The following ENOPH1 variants were observed in gnomAD, a reference collection of about 807,000 sequenced individuals.
The protein encoded by ENOPH1 is enolase-phosphatase 1, also known as enolase-phosphatase E1.
ENOPH1 carries 14 observed loss-of-function variants against 31.1 expected under a neutral mutation model. The observed-to-expected ratio is 0.45, with a 90% CI of 0.30 to 0.70. The LOEUF (loss-of-function observed/expected upper bound fraction) is 0.70, where lower values mean the gene tolerates loss of function less well. Ranked by LOEUF, ENOPH1 falls within the 30% of genes least tolerant of loss-of-function variation. ENOPH1 has a pLI of 0.09. For synonymous variants in ENOPH1, 127 were observed against 123.2 expected (o/e 1.03, Z -0.21); for missense variants, 243 against 321.5 (o/e 0.76, Z 1.87).
Position 82,448,807 on chromosome 4 carries a change from C to T in ENOPH1, c.186+786C>T, listed in dbSNP as rs1163449833. On this transcript the variant is annotated intron_variant, in intron 2 of 5. Coordinates refer to ENST00000273920, the MANE Select transcript of ENOPH1 (RefSeq NM_021204.5). ...GGCGCGGTGGCTCACGCCTGTAATC[C>T]CAGCACTTTGGGAGGCCGAGGCGGG... 6.0e-5 allele frequency among the ~76,000 whole-genome samples: 9 copies of T among 151,008 alleles called. No individual in the cohort carries two copies. The South Asian group carries it at 1.7e-3, about 28-fold the overall frequency.
intron 1 of ENOPH1, among the ~76,000 whole-genome samples, chr4:82,435,175 C>G (rs1307419773): frequency 6.6e-6 from 1 of 152,180 alleles, no homozygotes; most frequent in African/African-American, 2.4e-5. Context: ...GATCACAGCT[C>G]ACCGCAACCT....
intron 1 of ENOPH1, among the ~76,000 whole-genome samples, chr4:82,447,330 CAAGA>C (rs767689810): frequency 4.4e-4 from 67 of 152,106 alleles, no homozygotes; most frequent in Non-Finnish European, 1.3e-4. Flanking sequence ...GTCTAGTTAC[CAAGA>C]AAGAGTCATG....
At chr4:82,445,380 T>C (rs540691320) in intron 1 of ENOPH1, among the ~76,000 whole-genome samples, 2 of 152,392 alleles carry the variant, frequency 1.3e-5, no homozygotes, top group South Asian at 2.1e-4. Flanking sequence ...GATTATTTCA[T>C]GTACATACTT....
chr4:82,455,668 C>T (rs2110047386), intron 4 of ENOPH1, among the ~76,000 whole-genome samples: 1 of 152,034 alleles, frequency 6.6e-6, no homozygotes, highest in East Asian at 1.9e-4. Context: ...CACCTGTAGT[C>T]CCAGCTACTC....
rs1721723617 is a variant in ENOPH1, at chr4:82,430,841, T to C, written c.12T>C (p.Leu4=). ...CATCCGGTAGGGAAATGGTCGTGCT[T>C]TCGGTCCCCGCCGAAGTCACCGTGA... MVV[L]SVPAEVTVIL... is the part of the protein sequence containing the mutation. Residue 4 remains leucine, a synonymous_variant, in exon 1 of 6, where the codon CTT becomes CTC. Coordinates refer to ENST00000273920, the MANE Select transcript of ENOPH1 (RefSeq NM_021204.5). 6.2e-7 allele frequency: 1 copy of C among 1,614,010 alleles called. No individual in the cohort carries two copies. Among genetic ancestry groups the C allele is most frequent in the African/African-American group, 1.3e-5 (1 of 74,928 alleles).
intron 1 of ENOPH1, among the ~76,000 whole-genome samples, chr4:82,436,998 G>A (rs931026558): frequency 2.8e-4 from 42 of 151,710 alleles, no homozygotes; most frequent in African/African-American, 8.2e-4. Flanking sequence ...CCTGTAATCC[G>A]AACACTTTGG....
At position 82,437,914 on chromosome 4, in the gene ENOPH1, C is replaced by G. The variant is rs1193174433; in HGVS notation, c.84+7001C>G. Reference sequence around the variant, plus strand: ...CAATCCTTGCTATTTCAGATTTCCTCAAGGTGGTACTCTATTATATTTGAA... The same window carrying G: ...CAATCCTTGCTATTTCAGATTTCCTGAAGGTGGTACTCTATTATATTTGAA... On this transcript the variant is annotated intron_variant, in intron 1 of 5. Transcript: ENST00000273920. Among the ~76,000 whole-genome samples the G allele has an allele frequency of 3.9e-5, 6 of 152,268 alleles. No homozygotes were observed. The South Asian group carries it at 8.3e-4, about 21-fold the overall frequency.
Position 82,430,610 on chromosome 4 carries a change from C to T in ENOPH1, c.-220C>T. 2 of 556,496 alleles carry T rather than the reference C, an allele frequency of 3.6e-6. No homozygotes were observed. The highest frequency in any genetic ancestry group is 3.0e-5 in the East Asian group (1 of 33,058). 34.5% of individuals were successfully genotyped at this position (556,496 alleles called of 1,614,324 possible). A position where few individuals can be genotyped will look rare whatever the true frequency, so the allele number is the denominator to read the frequency against. On this transcript the variant is annotated 5_prime_UTR_variant, in exon 1 of 6. Transcript: ENST00000273920. ...ACGTGGTCTCGGGCTCCTGCCCCGTCCTGCTCACGAGTTCAGGGCTCCTGG... is the reference window on the plus strand; with the variant it reads ...ACGTGGTCTCGGGCTCCTGCCCCGTTCTGCTCACGAGTTCAGGGCTCCTGG...
At position 82,456,938 on chromosome 4, in the gene ENOPH1, C is replaced by T. The variant is rs1578104398; in HGVS notation, c.546C>T (p.Thr182=). The change falls in exon 5 of 6, where the codon ACC becomes ACT. Residue 182 remains threonine, a synonymous_variant. Coordinates refer to ENST00000273920, the MANE Select transcript of ENOPH1 (RefSeq NM_021204.5). ...ILELVDGHFD[T]KIGHKVESES... ...AGCTTGTTGATGGTCACTTTGATAC[C>T]AAGATTGGACACAAAGTAGAGAGTG... is the stretch of plus-strand genomic sequence containing the variant. 1.9e-6 allele frequency: 3 copies of T among 1,613,660 alleles called. No homozygotes were observed. The highest frequency in any genetic ancestry group is 2.7e-5 in the African/African-American group (2 of 74,808).
chr4:82,444,170 C>T (rs182521124), intron 1 of ENOPH1, among the ~76,000 whole-genome samples: 166 of 152,292 alleles, frequency 1.1e-3, no homozygotes, highest in African/African-American at 3.8e-3. Flanking sequence ...CCACGGCGCC[C>T]GGCCAGAAAG....
Position 82,459,856 on chromosome 4 carries a change from A to G in ENOPH1, c.647-125A>G, listed in dbSNP as rs1231734822. ...CCAGGGTGCCCATCTTTTAGCTTCA[A>G]CAGTCATCAAATCAGGGCCAAATTC... On this transcript the variant is annotated intron_variant, in intron 5 of 5. Coordinates refer to ENST00000273920, the MANE Select transcript of ENOPH1 (RefSeq NM_021204.5). 1.2e-5 allele frequency: 12 copies of G among 982,716 alleles called. No homozygotes were observed. The East Asian group carries it at 1.5e-4, about 12-fold the overall frequency. 60.9% of individuals were successfully genotyped at this position (982,716 alleles called of 1,614,324 possible). A position where few individuals can be genotyped will look rare whatever the true frequency, so the allele number is the denominator to read the frequency against.
intron 3 of ENOPH1, among the ~76,000 whole-genome samples, chr4:82,452,575 G>A (rs992634485): frequency 1.3e-5 from 2 of 152,024 alleles, no homozygotes; most frequent in Non-Finnish European, 2.9e-5. Flanking sequence ...TTACAGGTAT[G>A]AGCCACCCCT....
At position 82,454,855 on chromosome 4, in the gene ENOPH1, G is replaced by A; in HGVS notation, c.522+1G>A. On this transcript the variant is annotated splice_donor_variant, in intron 4 of 5. Transcript: ENST00000273920. LOFTEE classifies it high-confidence loss of function. ...TTCTACGGAGGGAGATATTCTTGAG[G>A]TAGGTTACCTAGTTTACTTTGTTGT... 2 of 1,610,838 alleles carry A rather than the reference G, an allele frequency of 1.2e-6. No homozygotes were observed. Among genetic ancestry groups the A allele is most frequent in the Non-Finnish European group, 1.7e-6 (2 of 1,179,146 alleles).
chr4:82,451,552 G>C (rs1722352848), intron 3 of ENOPH1, among the ~76,000 whole-genome samples: 1 of 152,170 alleles, frequency 6.6e-6, no homozygotes, highest in South Asian at 2.1e-4. Context: ...TTGATTCTTA[G>C]CACATGAGTG....
intron 1 of ENOPH1, among the ~76,000 whole-genome samples, chr4:82,433,012 C>A (rs994881978): frequency 6.6e-6 from 1 of 152,080 alleles, no homozygotes; most frequent in Admixed American, 6.5e-5. Flanking sequence ...GACAGAGTAA[C>A]CGCTTTCTTG....
In ENOPH1 at chr4:82,454,997, AATTAT is replaced by A. The variant is rs1722446331; in HGVS notation, c.522+147_522+151del. 8 of 734,360 alleles carry A rather than the reference AATTAT, an allele frequency of 1.1e-5. No individual in the cohort carries two copies. In the South Asian group the frequency reaches 1.6e-4, roughly 15 times the overall value. 45.5% of individuals were successfully genotyped at this position (734,360 alleles called of 1,614,324 possible). A position where few individuals can be genotyped will look rare whatever the true frequency, so the allele number is the denominator to read the frequency against. On this transcript the variant is annotated intron_variant, in intron 4 of 5. Coordinates refer to ENST00000273920, the MANE Select transcript of ENOPH1 (RefSeq NM_021204.5). ...AGGTAAGAAGAAAATAATCACTTTT[AATTAT>A]ATTGTATTTACAGTTTCTTCTATAT...
intron 5 of ENOPH1, among the ~76,000 whole-genome samples, chr4:82,459,085 T>TTA (rs1261262823): frequency 3.3e-5 from 5 of 151,996 alleles, no homozygotes; most frequent in African/African-American, 7.2e-5. Flanking sequence ...TCCACGGGAT[T>TTA]TATATATATA....
chr4:82,441,039 A>G (rs1878494), intron 1 of ENOPH1, among the ~76,000 whole-genome samples: 56,727 of 152,062 alleles, frequency 0.37, 11,412 homozygotes, highest in South Asian at 0.56. Flanking sequence ...GAGCAATTCT[A>G]ATACCACAAC....
At position 82,459,686 on chromosome 4, in the gene ENOPH1, CCTT is replaced by C. The variant is rs1212001826; in HGVS notation, c.647-292_647-290del. Reference sequence around the variant, plus strand: ...GGTGTAGGACAGAACATGGCTCCATCCTTCTGCATTCATAAGTACTTAATAAAG... The same window carrying C: ...GGTGTAGGACAGAACATGGCTCCATCCTGCATTCATAAGTACTTAATAAAG... On this transcript the variant is annotated intron_variant, in intron 5 of 5. Transcript: ENST00000273920. Among the ~76,000 whole-genome samples, 4 of 152,260 alleles carry C rather than the reference CCTT, an allele frequency of 2.6e-5. No individual in the cohort carries two copies. The East Asian group carries it at 7.7e-4, about 29-fold the overall frequency.
Sources: allele counts gnomAD v4.1 joint callset (sites outside exome capture counted in the v4.1 genomes callset), GRCh38; gene constraint gnomAD v4.1.1; transcripts MANE v1.5; gene names NCBI Gene and HGNC (gene_info 2026-07-23, HGNC 2026-07-21).